Variants in NOL6 observed in about 807,000 individuals in gnomAD.
NOL6 encodes nucleolar RNA-associated protein.
A neutral mutation model predicts 131.7 loss-of-function variants in NOL6; 33 were observed. The ratio of observed to expected loss-of-function variants is 0.25; its 90% confidence interval spans 0.19 to 0.33. The LOEUF (loss-of-function observed/expected upper bound fraction) is 0.33. Among genes scored for constraint, NOL6 ranks in the 10% least tolerant of loss-of-function variants. The pLI, the probability that NOL6 is intolerant of heterozygous loss-of-function variation, is 1.00. For synonymous variants in NOL6, 580 were observed against 605.7 expected (o/e 0.96, Z 0.62); for missense variants, 1,297 against 1,494.5 (o/e 0.87, Z 2.18).
rs765992596 is a variant in NOL6 at position 33,466,120 on chromosome 9, T to C, written c.2315A>G (p.Gln772Arg). 6.2e-7 allele frequency: 1 copy of C among 1,612,280 alleles called. No homozygotes were observed. Among genetic ancestry groups the C allele is most frequent in the Admixed American group, 1.7e-5 (1 of 59,914 alleles). The change falls in exon 18 of 26, where the codon CAG (glutamine) becomes CGG (arginine). Residue 772 changes from glutamine to arginine, a missense_variant. Coordinates refer to ENST00000297990, the MANE Select transcript of NOL6 (RefSeq NM_022917.5). ...QLRLAELLTQ[Q>R]HGLQCRATAT... Reference sequence around the variant, plus strand: ...AGTGGCACGGCACTGCAGACCATGCTGTTGTGTCAACAGCTCTGCCAGGCG... The same window carrying C: ...AGTGGCACGGCACTGCAGACCATGCCGTTGTGTCAACAGCTCTGCCAGGCG...
At position 33,467,044 on chromosome 9, in the gene NOL6, G is replaced by T. The variant is rs907521155; in HGVS notation, c.1875-57C>A. On this transcript the variant is annotated intron_variant, in intron 14 of 25. Transcript: ENST00000297990. This position sits in a 1 kb window ranked among gnomAD's most constrained non-coding sequence, Gnocchi z 4.4. ...TTTGGGGCTATGTTCTCGCTCAACT[G>T]CCTGGGCCAGACCCCTGAAAAGGCT... The T allele has an allele frequency of 6.2e-7, 1 of 1,613,484 alleles. No homozygotes were observed. The highest frequency in any genetic ancestry group is 8.5e-7 in the Non-Finnish European group (1 of 1,179,504).
Position 33,472,274 on chromosome 9 carries a change from T to A in NOL6, c.193A>T (p.Thr65Ser). 6.2e-7 allele frequency: 1 copy of A among 1,614,224 alleles called. No individual in the cohort carries two copies. Residue 65 changes from threonine to serine, a missense_variant, in exon 2 of 26, where the codon ACC (threonine) becomes TCC (serine). Coordinates refer to ENST00000297990, the MANE Select transcript of NOL6 (RefSeq NM_022917.5). ...CGAAGGCGATTAAGCTCCTCATTGG[T>A]AGGCTCCTTGTACAGTTCTGCCCTG... ...LSRAELYKEP[T>S]NEELNRLRET...
At position 33,467,831 on chromosome 9, in the gene NOL6, G is replaced by A. The variant is rs139340786; in HGVS notation, c.1462C>T (p.Arg488Trp). The A allele has an allele frequency of 4.5e-5, 72 of 1,600,008 alleles. No homozygotes were observed. Among genetic ancestry groups the A allele is most frequent in the Middle Eastern group, 1.7e-4 (1 of 6,008 alleles). Residue 488 changes from arginine (R) to tryptophan (W), a missense_variant, in exon 12 of 26, where the codon CGG (arginine) becomes TGG (tryptophan). Arg to Trp is a moderately radical substitution (Grantham distance 101). Coordinates refer to ENST00000297990, the MANE Select transcript of NOL6 (RefSeq NM_022917.5). This position sits in a 1 kb window ranked among gnomAD's most constrained non-coding sequence, Gnocchi z 4.4. ...PLSRLQAACH[R>W]LKLWPELQDN... is the part of the protein sequence containing the mutation. The stretch of plus-strand genomic sequence containing the variant: ...TGCAGCTCTGGCCAGAGCTTCAGCC[G>A]GTGGCACGCTGCCTGCAGGCGACTC...
chr9:33,473,760 C>T (rs769619133), intron 1 of NOL6, 29 bp downstream of exon 1: 1 of 1,611,334 alleles, frequency 6.2e-7, no homozygotes, highest in Non-Finnish European at 8.5e-7. Flanking sequence ...CACATTGAGC[C>T]TCTGTTCCTC....
chr9:33,462,992 G>A (rs371407715), intron 25 of NOL6, 41 bp downstream of exon 25: 113 of 1,583,194 alleles, frequency 7.1e-5, no homozygotes, highest in Non-Finnish European at 8.9e-5. Flanking sequence ...ACAGAACCAC[G>A]TGCACACACT....
Position 33,468,053 on chromosome 9 carries a change from G to C in NOL6, c.1401C>G (p.Ile467Met). 1 of 1,614,134 alleles carries C rather than the reference G, an allele frequency of 6.2e-7. No homozygotes were observed. The highest frequency in any genetic ancestry group is 1.3e-5 in the African/African-American group (1 of 75,018). ...HLLLMTPKPM[I>M]RAFDHVLHLR... ...ACTGCAGGACATGGTCAAAAGCCCG[G>C]ATCATGGGTTTGGGAGTCATCAACA... The change falls in exon 11 of 26, where the codon ATC becomes ATG. Residue 467 changes from isoleucine to methionine, a missense_variant. Ile to Met is a conservative substitution (Grantham distance 10). Transcript: ENST00000297990.
chr9:33,466,828 G>GTGCA, intron 15 of NOL6, 84 bp downstream of exon 15: 1 of 1,575,788 alleles, frequency 6.3e-7, no homozygotes, highest in Non-Finnish European at 8.7e-7. Flanking sequence ...ATGCCAGGAA[G>GTGCA]TGCAAGCTGG....
intron 23 of NOL6, 111 bp downstream of exon 23, chr9:33,463,720 G>T: frequency 8.4e-7 from 1 of 1,190,154 alleles, no homozygotes; most frequent in Non-Finnish European, 1.2e-6. Flanking sequence ...CACCTCCTCT[G>T]TTCAGTCTCA....
rs531545777 is a variant in NOL6, at chr9:33,469,350, G to A, written c.728-9C>T. ...CAGGCGCTCATCCTTTCCTGCCAGA[G>A]ACAGTGAGTGCTGAGACTCTGCAGG... On this transcript the variant is annotated splice_polypyrimidine_tract_variant and intron_variant, in intron 5 of 25. Transcript: ENST00000297990. The A allele has an allele frequency of 1.9e-6, 3 of 1,613,988 alleles. No individual in the cohort carries two copies. The highest frequency in any genetic ancestry group is 1.3e-5 in the African/African-American group (1 of 75,048).
chr9:33,467,357 C>G lies in NOL6; in HGVS notation c.1725+37G>C. 1 of 1,612,198 alleles carries G rather than the reference C, an allele frequency of 6.2e-7. No individual in the cohort carries two copies. Among genetic ancestry groups the G allele is most frequent in the Non-Finnish European group, 8.5e-7 (1 of 1,178,488 alleles). The stretch of plus-strand genomic sequence containing the variant: ...GTCCAGGTGCCATGAGGACGAGCCA[C>G]CCCATTCCTTCCAGTGTACATGCTG... On this transcript the variant is annotated intron_variant, in intron 13 of 25. Transcript: ENST00000297990. The surrounding 1 kb of genome is among the most constrained non-coding windows in gnomAD (Gnocchi z 4.4).
At chr9:33,472,876 G>C (rs1458532580) in intron 1 of NOL6, among the ~76,000 whole-genome samples, 1 of 151,816 alleles carries the variant, frequency 6.6e-6, no homozygotes, top group Non-Finnish European at 1.5e-5. Context: ...GGGAGACTGA[G>C]GCAGGAAAAT....
intron 21 of NOL6, among the ~76,000 whole-genome samples, chr9:33,464,657 C>G (rs578084598): frequency 6.6e-6 from 1 of 152,154 alleles, no homozygotes; most frequent in East Asian, 1.9e-4. Flanking sequence ...CACAGCCCCC[C>G]GCCAGGTAGC....
Position 33,468,441 on chromosome 9 carries a change from AAGC to A in NOL6, c.1207-22_1207-20del. The A allele has an allele frequency of 2.5e-6, 4 of 1,613,934 alleles. No individual in the cohort carries two copies. On this transcript the variant is annotated intron_variant, in intron 9 of 25. Transcript: ENST00000297990. ...GGGCCGGCTTGGGGGGTGTAGAGAG[AAGC>A]AGGTCAGGATTGGCACCTTACTTGC...
intron 15 of NOL6, 26 bp downstream of exon 15, chr9:33,466,886 A>G (rs906678215): frequency 6.2e-7 from 1 of 1,610,584 alleles, no homozygotes; most frequent in Non-Finnish European, 8.5e-7. Flanking sequence ...CTCTACAATC[A>G]CTAGCCTTGA....
rs1424075481 is a variant in NOL6 at position 33,466,998 on chromosome 9, G to A, written c.1875-11C>T. The A allele has an allele frequency of 6.2e-7, 1 of 1,614,142 alleles. No individual in the cohort carries two copies. The highest frequency in any genetic ancestry group is 2.2e-5 in the East Asian group (1 of 44,882). On this transcript the variant is annotated splice_polypyrimidine_tract_variant and intron_variant, in intron 14 of 25. Coordinates refer to ENST00000297990, the MANE Select transcript of NOL6 (RefSeq NM_022917.5). ...GGGATGTCAGCATGGCTGAAAAAGA[G>A]GCAGAGACACAGTGAGAAAATTTGG... is the stretch of plus-strand genomic sequence containing the variant.
Position 33,463,252 on chromosome 9 carries a change from G to A in NOL6, c.3184C>T (p.Leu1062Phe). The change falls in exon 24 of 26, where the codon CTC becomes TTC. Residue 1062 changes from leucine to phenylalanine, a missense_variant. Transcript: ENST00000297990. ...TTCAGCTGTTTAGGACCAACCCTGA[G>A]CTGCGTCAGATAGAGCTGAGGAGGA... Reference protein sequence around the residue: ...YDPPQLYLTQLREAFGDLALF... With the variant: ...YDPPQLYLTQFREAFGDLALF... 6.2e-7 allele frequency: 1 copy of A among 1,613,508 alleles called. No homozygotes were observed. The highest frequency in any genetic ancestry group is 1.1e-5 in the South Asian group (1 of 91,040).
In NOL6 at chr9:33,463,267, G is replaced by A. The variant is rs1324468329; in HGVS notation, c.3169C>T (p.Leu1057Phe). 1 of 1,613,950 alleles carries A rather than the reference G, an allele frequency of 6.2e-7. No individual in the cohort carries two copies. Among genetic ancestry groups the A allele is most frequent in the Non-Finnish European group, 8.5e-7 (1 of 1,179,864 alleles). ...CCAACCCTGAGCTGCGTCAGATAGA[G>A]CTGAGGAGGATCATAGCCCAGCACG... The part of the protein sequence containing the change: ...MPVLGYDPPQ[L>F]YLTQLREAFG... The change falls in exon 24 of 26, where the codon CTC becomes TTC. Residue 1057 changes from leucine (L) to phenylalanine (F), a missense_variant. Transcript: ENST00000297990.
intron 8 of NOL6, 48 bp downstream of exon 8, chr9:33,468,704 T>C (rs373505573): frequency 1.2e-6 from 2 of 1,612,962 alleles, no homozygotes; most frequent in Non-Finnish European, 1.7e-6. Context: ...ATGAGAGGAT[T>C]CCCAGGAGGA....
At position 33,462,008 on chromosome 9, in the gene NOL6, G is replaced by T; in HGVS notation, c.*656C>A. On this transcript the variant is annotated 3_prime_UTR_variant, in exon 26 of 26. Coordinates refer to ENST00000297990, the MANE Select transcript of NOL6 (RefSeq NM_022917.5). ...GCTTTTTGCACCTCTCCAAGATTGGGTGACTACCAGTCCCCTGACCCCTTC... is the reference window on the plus strand; with the variant it reads ...GCTTTTTGCACCTCTCCAAGATTGGTTGACTACCAGTCCCCTGACCCCTTC... 3.2e-6 allele frequency: 2 copies of T among 631,052 alleles called. No individual in the cohort carries two copies. The highest frequency in any genetic ancestry group is 2.9e-6 in the Non-Finnish European group (1 of 340,420). 39.1% of individuals were successfully genotyped at this position (631,052 alleles called of 1,614,324 possible).
Sources: gnomAD v4.1 joint callset for allele counts (sites outside exome capture counted in the v4.1 genomes callset) on GRCh38, gnomAD v4.1.1 for gene constraint, Gnocchi (gnomAD v3.1) non-coding constraint, MANE v1.5 for transcripts, NCBI Gene and HGNC (gene_info 2026-07-23, HGNC 2026-07-21) for gene names.